The following HAGH variants were observed in gnomAD, a reference collection of about 807,000 sequenced individuals.
HAGH encodes hydroxyacylglutathione hydrolase.
In HAGH, 29 loss-of-function variants were observed where a neutral mutation model predicts 35.1. That is an observed-to-expected ratio of 0.83 (90% CI 0.62 to 1.13). HAGH has a LOEUF of 1.13. Ranked by LOEUF, HAGH falls within the 50% of genes most tolerant of loss-of-function variation. The pLI, the probability that HAGH is intolerant of heterozygous loss-of-function variation, is 0.00. For missense variants in HAGH, 478 were observed against 419.6 expected (o/e 1.14, Z -1.22); for synonymous variants, 225 against 176.1 (o/e 1.28, Z -2.20).
intron 1 of HAGH, among the ~76,000 whole-genome samples, chr16:1,825,832 C>T (rs2142055809): frequency 6.6e-6 from 1 of 152,352 alleles, no homozygotes; most frequent in Admixed American, 6.5e-5. Context: ...CCTCGGCCTC[C>T]CAAAGTGCTG....
chr16:1,823,640 G>A (rs182550667), intron 1 of HAGH, among the ~76,000 whole-genome samples: 208 of 150,630 alleles, frequency 1.4e-3, no homozygotes, highest in East Asian at 0.011. Context: ...CTACTCCGGA[G>A]GCTGAGGCAG....
chr16:1,821,073 A>C (rs1009967500), intron 3 of HAGH, among the ~76,000 whole-genome samples: 2 of 152,154 alleles, frequency 1.3e-5, no homozygotes, highest in Non-Finnish European at 2.9e-5. Context: ...CCCCAGGAGG[A>C]GGCATGGTGG....
At chr16:1,819,021 G>C in intron 5 of HAGH, 94 bp downstream of exon 5, 2 of 775,794 alleles carry the variant, frequency 2.6e-6, no homozygotes, top group East Asian at 5.3e-5. Context: ...CGGTGCAACA[G>C]AGAAGGCCAC....
chr16:1,819,856 G>A (rs1340520218), intron 4 of HAGH, 41 bp downstream of exon 4: 2 of 1,288,956 alleles, frequency 1.6e-6, no homozygotes, highest in Admixed American at 1.7e-5. Flanking sequence ...CCACGCTCCT[G>A]ACAGGGCCAC....
intron 7 of HAGH, chr16:1,810,923 C>G (rs1306201287): frequency 1.3e-5 from 2 of 152,188 alleles, no homozygotes; most frequent in Non-Finnish European, 2.9e-5. Flanking sequence ...TTAAAATATT[C>G]CCTGTGTTCC....
intron 7 of HAGH, among the ~76,000 whole-genome samples, chr16:1,816,101 C>T (rs62038378): frequency 0.13 from 19,026 of 148,068 alleles, 1,610 homozygotes; most frequent in South Asian, 0.2. Flanking sequence ...CCACCACGCC[C>T]GGCCAGCAGG....
At chr16:1,821,030 G>C (rs1340797096) in intron 3 of HAGH, among the ~76,000 whole-genome samples, 2 of 152,194 alleles carry the variant, frequency 1.3e-5, no homozygotes, top group East Asian at 1.9e-4. Flanking sequence ...GCTGTGATGT[G>C]CCAGGCAGCC....
Position 1,816,874 on chromosome 16 carries a change from C to T in HAGH, c.747+19G>A. On this transcript the variant is annotated intron_variant, in intron 7 of 8. Transcript: ENST00000397356. ...GAGCAGCCCACAGGAAGGCACTGCGCAGTGACGGCCCCACTCACCTTGGCC... is the reference window on the plus strand; with the variant it reads ...GAGCAGCCCACAGGAAGGCACTGCGTAGTGACGGCCCCACTCACCTTGGCC... 1 of 1,529,780 alleles carries T rather than the reference C, an allele frequency of 6.5e-7. No individual in the cohort carries two copies. The highest frequency in any genetic ancestry group is 1.1e-5 in the South Asian group (1 of 89,420). The allele number at this position is 1,529,780 out of a possible 1,614,324, so 94.8% of individuals were successfully genotyped here.
chr16:1,823,106 A>G (rs1283629956), intron 1 of HAGH, 69 bp from the exon 2 acceptor site: 2 of 1,326,194 alleles, frequency 1.5e-6, no homozygotes, highest in African/African-American at 2.9e-5. Flanking sequence ...CGCAAGCTGC[A>G]GTGCTTCCCA....
Position 1,818,913 on chromosome 16 carries a change from G to A in HAGH, c.541+202C>T, listed in dbSNP as rs937163174. 1.0e-5 allele frequency: 6 copies of A among 573,356 alleles called. No individual in the cohort carries two copies. The South Asian group carries it at 1.1e-4, about 10-fold the overall frequency. 35.5% of individuals were successfully genotyped at this position (573,356 alleles called of 1,614,324 possible). On this transcript the variant is annotated intron_variant, in intron 5 of 8. Transcript: ENST00000397356. ...CGCCAGCACAGCCCTTGCTGCAAGC[G>A]TAACTTCCTTCCAGACCACGATCCA...
chr16:1,814,682 G>A (rs202246316), intron 7 of HAGH, among the ~76,000 whole-genome samples: 10 of 149,328 alleles, frequency 6.7e-5, no homozygotes, highest in Admixed American at 4.6e-4. Flanking sequence ...GGTGGATCAC[G>A]AGGTCAGGAG....
Position 1,808,447 on chromosome 16 carries a change from TCTG to T in HAGH, c.*833_*835del, listed in dbSNP as rs1361014712. On this transcript the variant is annotated 3_prime_UTR_variant, in exon 9 of 9. Coordinates refer to ENST00000397356, the MANE Select transcript of HAGH (RefSeq NM_005326.6). The stretch of plus-strand genomic sequence containing the variant: ...TCCCGAGTAGCCGGGACTACAGGTG[TCTG>T]CCACCACACCTGGCTAATTTTTTGT... 6.6e-6 allele frequency: 1 copy of T among 151,928 alleles called. No homozygotes were observed. The highest frequency in any genetic ancestry group is 6.6e-5 in the Admixed American group (1 of 15,250). 9.4% of individuals were successfully genotyped at this position (151,928 alleles called of 1,614,324 possible).
At chr16:1,818,147 G>A (rs1231706489) in intron 5 of HAGH, among the ~76,000 whole-genome samples, 2 of 152,134 alleles carry the variant, frequency 1.3e-5, no homozygotes, top group Non-Finnish European at 2.9e-5. Flanking sequence ...TGGGGCCTGG[G>A]GCTTCTGCTC....
Position 1,809,239 on chromosome 16 carries a change from T to C in HAGH, c.*44A>G. 1 of 1,361,928 alleles carries C rather than the reference T, an allele frequency of 7.3e-7. No homozygotes were observed. Among genetic ancestry groups the C allele is most frequent in the African/African-American group, 1.4e-5 (1 of 70,066 alleles). The allele number at this position is 1,361,928 out of a possible 1,614,324, so 84.4% of individuals were successfully genotyped here. A position where few individuals can be genotyped will look rare whatever the true frequency, so the allele number is the denominator to read the frequency against. On this transcript the variant is annotated 3_prime_UTR_variant, in exon 9 of 9. Coordinates refer to ENST00000397356, the MANE Select transcript of HAGH (RefSeq NM_005326.6). The stretch of plus-strand genomic sequence containing the variant: ...CGGACCAGCAGGAAAGCCAGTTACC[T>C]AAAAGAGCCTAATCCCCAAATCCGC...
At chr16:1,812,243 C>G (rs1344047849) in intron 7 of HAGH, 1 of 144,158 alleles carries the variant, frequency 6.9e-6, no homozygotes, top group South Asian at 2.2e-4. Context: ...CAGTGGCTCA[C>G]GCCTGTAATC....
intron 1 of HAGH, among the ~76,000 whole-genome samples, chr16:1,824,676 G>C (rs1415375532): frequency 6.6e-6 from 1 of 152,142 alleles, no homozygotes; most frequent in Admixed American, 6.5e-5. Flanking sequence ...CGCGTCTCCA[G>C]GGCCCACCGA....
chr16:1,814,022 C>T lies in HAGH; in HGVS notation c.747+2871G>A, dbSNP rs1285205875. Among the ~76,000 whole-genome samples, 4 of 152,234 alleles carry T rather than the reference C, an allele frequency of 2.6e-5. No individual in the cohort carries two copies. The South Asian group carries it at 6.2e-4, about 24-fold the overall frequency. ...AGAGGGTGAACCTCTACCCTCACCT[C>T]GCACCACACACAAACACCATCTTGA... On this transcript the variant is annotated intron_variant, in intron 7 of 8. Coordinates refer to ENST00000397356, the MANE Select transcript of HAGH (RefSeq NM_005326.6).
chr16:1,810,531 A>C (rs989877607), intron 7 of HAGH: 1 of 152,160 alleles, frequency 6.6e-6, no homozygotes, highest in Admixed American at 6.5e-5. Flanking sequence ...CTCGAGATGG[A>C]GATGGTCTCC....
intron 5 of HAGH, 48 bp downstream of exon 5, chr16:1,819,067 A>G: frequency 1.7e-6 from 2 of 1,164,746 alleles, no homozygotes; most frequent in Middle Eastern, 2.2e-4. Context: ...CAGGAGACAC[A>G]GGGTCTTCAC....
Sources: gnomAD v4.1 joint callset for allele counts (sites outside exome capture counted in the v4.1 genomes callset) on GRCh38, gnomAD v4.1.1 for gene constraint, MANE v1.5 for transcripts, NCBI Gene and HGNC (gene_info 2026-07-23, HGNC 2026-07-21) for gene names.